PADI4: variants seen among roughly 807,000 people sequenced by gnomAD.
The protein encoded by PADI4 is protein-arginine deiminase type-4.
In PADI4, 62 loss-of-function variants were observed where a neutral mutation model predicts 75.0. The observed-to-expected ratio is 0.83, with a 90% CI of 0.67 to 1.02. The LOEUF is 1.02. Among genes scored for constraint, PADI4 ranks in the 50% least tolerant of loss-of-function variants. The probability of loss-of-function intolerance (pLI) is 0.00; values close to 1 mark genes in which losing one functional copy is unlikely to be tolerated. For synonymous variants in PADI4, 361 were observed against 348.1 expected (o/e 1.04, Z -0.41); for missense variants, 845 against 850.5 (o/e 0.99, Z 0.08).
At chr1:17,358,570 A>C (rs60222255) in intron 13 of PADI4, among the ~76,000 whole-genome samples, 2 of 51,940 alleles carry the variant, frequency 3.9e-5, no homozygotes, top group Non-Finnish European at 3.6e-5. Flanking sequence ...CGTCTCAAAA[A>C]AAAAAAAAAA....
chr1:17,363,992 A>G lies in PADI4; in HGVS notation c.*237A>G. ...AGCTGCAATAAAGTTTTTTTAAGTC[A>G]CTTTGTACATGAGGTCAAGATGTTG... On this transcript the variant is annotated 3_prime_UTR_variant, in exon 16 of 16. Coordinates refer to ENST00000375448, the MANE Select transcript of PADI4 (RefSeq NM_012387.3). The G allele has an allele frequency of 2.5e-6, 1 of 395,360 alleles. No individual in the cohort carries two copies. The highest frequency in any genetic ancestry group is 4.6e-6 in the Non-Finnish European group (1 of 216,668). The allele number at this position is 395,360 out of a possible 1,614,324, so 24.5% of individuals were successfully genotyped here.
intron 13 of PADI4, among the ~76,000 whole-genome samples, chr1:17,357,684 G>A (rs1190911669): frequency 2.6e-5 from 4 of 152,050 alleles, no homozygotes. Flanking sequence ...TGTAATCCTA[G>A]CACTTTGGGA....
rs77214175 is a variant in PADI4, at chr1:17,315,271, A to G, written c.92+6957A>G. On this transcript the variant is annotated intron_variant, in intron 1 of 15. Transcript: ENST00000375448. ...GTGTGGTGATTGATTGATTGATTGA[A>G]TGAACGAATGAAGGAATGAGTGTGT... Among the ~76,000 whole-genome samples the G allele has an allele frequency of 5.1e-4, 77 of 152,314 alleles. 1 individual carries two copies. In the East Asian group the frequency reaches 0.014, roughly 28 times the overall value.
chr1:17,359,217 T>TCCCC, intron 14 of PADI4, 63 bp from the exon 15 acceptor site: 4 of 647,816 alleles, frequency 6.2e-6, no homozygotes, highest in Non-Finnish European at 1.0e-5. Context: ...CCCCACACTG[T>TCCCC]CCCCCACCCC....
At chr1:17,313,521 A>AAAG (rs2073877954) in intron 1 of PADI4, among the ~76,000 whole-genome samples, 1 of 145,256 alleles carries the variant, frequency 6.9e-6, no homozygotes, top group Non-Finnish European at 1.5e-5. Flanking sequence ...AAAAAAAAAA[A>AAAG]GGAAAGGAAG....
Position 17,356,172 on chromosome 1 carries a change from G to A in PADI4, c.1455+45G>A. The A allele has an allele frequency of 6.3e-7, 1 of 1,593,488 alleles. No individual in the cohort carries two copies. Among genetic ancestry groups the A allele is most frequent in the Non-Finnish European group, 8.6e-7 (1 of 1,164,928 alleles). On this transcript the variant is annotated intron_variant, in intron 12 of 15. Transcript: ENST00000375448. The surrounding 1 kb of genome is among the most constrained non-coding windows in gnomAD (Gnocchi z 4.1). ...CTCAGGAAGCCATGCCTCCTTCCTG[G>A]GTAGACCCTCTGCCTGGGGTGGGAG...
At chr1:17,309,369 C>T (rs1341202460) in intron 1 of PADI4, among the ~76,000 whole-genome samples, 1 of 152,080 alleles carries the variant, frequency 6.6e-6, no homozygotes, top group African/African-American at 2.4e-5. Context: ...TAATATAATG[C>T]ATGTCTCAAT....
At chr1:17,321,718 A>G (rs1039773723) in intron 1 of PADI4, among the ~76,000 whole-genome samples, 1 of 152,202 alleles carries the variant, frequency 6.6e-6, no homozygotes. Context: ...GATCAACATC[A>G]GAATGTTAGT....
At chr1:17,361,813 A>G (rs2074852106) in intron 15 of PADI4, among the ~76,000 whole-genome samples, 1 of 152,226 alleles carries the variant, frequency 6.6e-6, no homozygotes, top group South Asian at 2.1e-4. Context: ...AGTCATTTAC[A>G]TACATTATTT....
At chr1:17,347,001 G>A (rs1271558661) in intron 9 of PADI4, among the ~76,000 whole-genome samples, 7 of 150,428 alleles carry the variant, frequency 4.7e-5, no homozygotes, top group African/African-American at 1.2e-4. Flanking sequence ...GCAATGGCTC[G>A]ATCTCGGCTC....
At chr1:17,314,472 C>T (rs895040545) in intron 1 of PADI4, among the ~76,000 whole-genome samples, 8 of 152,228 alleles carry the variant, frequency 5.3e-5, no homozygotes, top group Non-Finnish European at 1.0e-4. Flanking sequence ...GGGGCATCTC[C>T]TGGCCGGGAA....
intron 4 of PADI4, 31 bp from the exon 5 acceptor site, chr1:17,338,007 C>A: frequency 7.2e-7 from 1 of 1,382,364 alleles, no homozygotes; most frequent in Non-Finnish European, 1.0e-6. Context: ...ATGCTAGTTT[C>A]TGAGCATGAC....
At position 17,317,455 on chromosome 1, in the gene PADI4, C is replaced by T. The variant is rs138034673; in HGVS notation, c.92+9141C>T. Among the ~76,000 whole-genome samples, 43 of 150,448 alleles carry T rather than the reference C, an allele frequency of 2.9e-4. 1 individual carries two copies. The highest frequency in any genetic ancestry group is 2.5e-3 in the Admixed American group (37 of 15,090). On this transcript the variant is annotated intron_variant, in intron 1 of 15. Coordinates refer to ENST00000375448, the MANE Select transcript of PADI4 (RefSeq NM_012387.3). ...GGCTAATTTTTTTGTATTTTTAGTA[C>T]AGACGGGGATTCACCATGTTGGCCA... is the stretch of plus-strand genomic sequence containing the variant.
chr1:17,329,436 G>A (rs1388740425), intron 1 of PADI4, among the ~76,000 whole-genome samples: 3 of 152,094 alleles, frequency 2.0e-5, no homozygotes, highest in African/African-American at 2.4e-5. Flanking sequence ...TTGATTAACA[G>A]ATATTTTGTA....
intron 1 of PADI4, among the ~76,000 whole-genome samples, chr1:17,313,289 T>C (rs928702592): frequency 1.3e-5 from 2 of 151,388 alleles, no homozygotes; most frequent in African/African-American, 4.9e-5. Context: ...CACTTGAGGT[T>C]AGGAGTTCAA....
chr1:17,315,165 G>A (rs1282630727), intron 1 of PADI4, among the ~76,000 whole-genome samples: 3 of 152,174 alleles, frequency 2.0e-5, no homozygotes, highest in African/African-American at 7.2e-5. Context: ...GAGTCCACAA[G>A]GGAACCCCAG....
chr1:17,328,556 A>G (rs1421334068), intron 1 of PADI4, among the ~76,000 whole-genome samples: 1 of 152,036 alleles, frequency 6.6e-6, no homozygotes, highest in Non-Finnish European at 1.5e-5. Flanking sequence ...CTGAGACATG[A>G]GGATCACTTG....
chr1:17,363,150 G>A (rs552444777), intron 15 of PADI4, among the ~76,000 whole-genome samples: 32 of 152,090 alleles, frequency 2.1e-4, no homozygotes, highest in African/African-American at 7.2e-4. Context: ...TCGCTCTGTC[G>A]CCCAAGCTGC....
chr1:17,361,040 A>G (rs1570104082), intron 15 of PADI4, among the ~76,000 whole-genome samples: 1 of 151,652 alleles, frequency 6.6e-6, no homozygotes, highest in African/African-American at 2.4e-5. Flanking sequence ...CTACTGGGGA[A>G]CCCCAGCCAC....
Sources: allele counts gnomAD v4.1 joint callset (sites outside exome capture counted in the v4.1 genomes callset), GRCh38; gene constraint gnomAD v4.1.1; non-coding constraint Gnocchi (gnomAD v3.1); transcripts MANE v1.5; gene names NCBI Gene and HGNC (gene_info 2026-07-23, HGNC 2026-07-21).